LIMCH1: variants seen among roughly 807,000 people sequenced by gnomAD.
The protein encoded by LIMCH1 is LIM and calponin homology domains-containing protein 1.
In LIMCH1, 113 loss-of-function variants were observed where a neutral mutation model predicts 176.5. The observed-to-expected ratio is 0.64, with a 90% confidence interval of 0.55 to 0.75. The LOEUF is 0.75. Among genes scored for constraint, LIMCH1 ranks in the 30% least tolerant of loss-of-function variants. The pLI, the probability that LIMCH1 is intolerant of heterozygous loss-of-function variation, is 0.00. For missense variants in LIMCH1, 1,674 were observed against 1,814.9 expected (o/e 0.92, Z 1.41); for synonymous variants, 619 against 645.9 (o/e 0.96, Z 0.63).
chr4:41,659,282 G>A (rs2094546184), intron 18 of LIMCH1, among the ~76,000 whole-genome samples: 1 of 151,896 alleles, frequency 6.6e-6, no homozygotes, highest in African/African-American at 2.4e-5. Context: ...TCCTGCCTAG[G>A]GTTTTAAAAG....
At chr4:41,687,614 C>T (rs969961148) in intron 28 of LIMCH1, among the ~76,000 whole-genome samples, 2 of 151,652 alleles carry the variant, frequency 1.3e-5, no homozygotes, top group Non-Finnish European at 2.9e-5. Flanking sequence ...AGCATGCCAG[C>T]CTGGTTTTGA....
In LIMCH1 at chr4:41,644,610, A is replaced by C; in HGVS notation, c.2237A>C (p.Asp746Ala). Residue 746 changes from aspartate (D) to alanine (A), a missense_variant, in exon 15 of 32, where the codon GAC becomes GCC. Asp to Ala is a moderately radical substitution (Grantham distance 126). Transcript: ENST00000503057. ...QLINNQLREE[D>A]DKWQDDLARW... ...ATAAATAACCAGCTGAGGGAAGAGGACGACAAATGGCAAGATGTGAGTTGT... is the reference window on the plus strand; with the variant it reads ...ATAAATAACCAGCTGAGGGAAGAGGCCGACAAATGGCAAGATGTGAGTTGT... 1 of 1,611,874 alleles carries C rather than the reference A, an allele frequency of 6.2e-7. No homozygotes were observed. Among genetic ancestry groups the C allele is most frequent in the Non-Finnish European group, 8.5e-7 (1 of 1,179,026 alleles).
chr4:41,458,174 T>A (rs1323988258), intron 1 of LIMCH1, among the ~76,000 whole-genome samples: 2 of 152,042 alleles, frequency 1.3e-5, no homozygotes, highest in African/African-American at 2.4e-5. Flanking sequence ...ACAAAATTTT[T>A]AAAAAAATGG....
chr4:41,363,498 TAAAC>T (rs886086581), intron 1 of LIMCH1, among the ~76,000 whole-genome samples: 11 of 152,220 alleles, frequency 7.2e-5, no homozygotes, highest in Non-Finnish European at 1.5e-4. Flanking sequence ...AGCAAGTTAA[TAAAC>T]AAACTTTGCT....
intron 2 of LIMCH1, among the ~76,000 whole-genome samples, chr4:41,514,147 G>A (rs533770628): frequency 6.7e-6 from 1 of 149,478 alleles, no homozygotes; most frequent in Non-Finnish European, 1.5e-5. Flanking sequence ...TTATAATGTT[G>A]CTCATTTCAT....
chr4:41,648,658 GGTGTGTGT>G (rs71650941), intron 17 of LIMCH1, among the ~76,000 whole-genome samples: 2,706 of 135,392 alleles, frequency 0.02, 92 homozygotes, highest in African/African-American at 0.071. Flanking sequence ...AAGGGGTAGG[GGTGTGTGT>G]GTGTGTGTGT....
chr4:41,381,863 T>C (rs2055722614), intron 1 of LIMCH1, among the ~76,000 whole-genome samples: 1 of 152,152 alleles, frequency 6.6e-6, no homozygotes, highest in Non-Finnish European at 1.5e-5. Flanking sequence ...CATTAGGGGT[T>C]GGATCATTGT....
chr4:41,605,309 G>C (rs1206946180), intron 3 of LIMCH1, among the ~76,000 whole-genome samples: 3 of 152,120 alleles, frequency 2.0e-5, no homozygotes, highest in Non-Finnish European at 2.9e-5. Flanking sequence ...CCCAAAGCTA[G>C]GTATCTGCAG....
At chr4:41,388,884 C>T (rs1220478553) in intron 1 of LIMCH1, among the ~76,000 whole-genome samples, 5 of 152,184 alleles carry the variant, frequency 3.3e-5, no homozygotes, top group Non-Finnish European at 7.3e-5. Context: ...CTCAGGTGAT[C>T]CACCCGCCTC....
Position 41,538,267 on chromosome 4 carries a change from C to T in LIMCH1, c.-324C>T, listed in dbSNP as rs768084750. The stretch of plus-strand genomic sequence containing the variant: ...ATTTCGGCTGCTGTGCTGGGGCTGA[C>T]GAGGAGCACACAGGAGAGATGCCCC... On this transcript the variant is annotated 5_prime_UTR_variant, in exon 1 of 32. It adds an upstream start codon to the 5' untranslated region. Coordinates refer to ENST00000503057, the MANE Select transcript of LIMCH1 (RefSeq NM_001330672.2). 26 of 985,336 alleles carry T rather than the reference C, an allele frequency of 2.6e-5. No homozygotes were observed. Among genetic ancestry groups the T allele is most frequent in the South Asian group, 4.7e-5 (1 of 21,292 alleles). 61.0% of individuals were successfully genotyped at this position (985,336 alleles called of 1,614,324 possible). A position where few individuals can be genotyped will look rare whatever the true frequency, so the allele number is the denominator to read the frequency against.
chr4:41,515,633 T>C (rs1330250676), intron 2 of LIMCH1, among the ~76,000 whole-genome samples: 2 of 152,250 alleles, frequency 1.3e-5, no homozygotes, highest in African/African-American at 4.8e-5. Context: ...AGCAGGTATT[T>C]TTGTCACCAT....
intron 1 of LIMCH1, among the ~76,000 whole-genome samples, chr4:41,362,855 C>T (rs1000929004): frequency 1.3e-5 from 2 of 152,112 alleles, no homozygotes; most frequent in African/African-American, 4.8e-5. Context: ...AGAAGGGATT[C>T]CTTAAGACAG....
At chr4:41,522,465 CCTT>C (rs5857797) in intron 2 of LIMCH1, among the ~76,000 whole-genome samples, 78,292 of 151,674 alleles carry the variant, frequency 0.52, 23,257 homozygotes, top group African/African-American at 0.83. Context: ...TACTGTATAT[CCTT>C]TTGATGCTTT....
rs769271584 is a variant in LIMCH1, at chr4:41,661,397, G to A, written c.3037-23G>A. On this transcript the variant is annotated intron_variant, in intron 18 of 31. Transcript: ENST00000503057. ...CTTTTAAAGGAATCATTTATTCAAG[G>A]GGGAAAAAAATCTCTTTTTCAGGCA... 2.0e-6 allele frequency: 3 copies of A among 1,507,300 alleles called. No homozygotes were observed. The East Asian group carries it at 6.8e-5, about 34-fold the overall frequency. The allele number at this position is 1,507,300 out of a possible 1,614,324, so 93.4% of individuals were successfully genotyped here.
intron 22 of LIMCH1, among the ~76,000 whole-genome samples, chr4:41,675,377 C>T (rs2095181226): frequency 6.6e-6 from 1 of 152,128 alleles, no homozygotes; most frequent in South Asian, 2.1e-4. Context: ...TTCATCTTCC[C>T]AGGCTACCAG....
intron 9 of LIMCH1, 141 bp from the exon 10 acceptor site, chr4:41,631,007 G>T: frequency 2.8e-6 from 2 of 705,172 alleles, no homozygotes; most frequent in East Asian, 2.8e-5. Flanking sequence ...CATTGAGGTT[G>T]GTTGAATCCC....
chr4:41,629,792 G>A (rs1306978584), intron 9 of LIMCH1, 58 bp downstream of exon 9: 1 of 1,469,294 alleles, frequency 6.8e-7, no homozygotes, highest in South Asian at 1.4e-5. Flanking sequence ...CATTTTGAAG[G>A]CATCAAATGC....
intron 1 of LIMCH1, among the ~76,000 whole-genome samples, chr4:41,431,959 T>C (rs1038361568): frequency 9.9e-5 from 15 of 152,234 alleles, no homozygotes; most frequent in Admixed American, 2.0e-4. Context: ...GTTTTCTTTT[T>C]TCTATGAAAT....
chr4:41,604,151 A>G (rs1481375582), intron 3 of LIMCH1: 4 of 949,764 alleles, frequency 4.2e-6, no homozygotes, highest in Non-Finnish European at 5.0e-6. Flanking sequence ...GAAAGCTTGT[A>G]CTCTGTTTAT....
Sources: gnomAD v4.1 joint callset for allele counts (sites outside exome capture counted in the v4.1 genomes callset) on GRCh38, gnomAD v4.1.1 for gene constraint, MANE v1.5 for transcripts, NCBI Gene and HGNC (gene_info 2026-07-23, HGNC 2026-07-21) for gene names.